The following COL17A1 variants were observed in gnomAD, a reference collection of about 807,000 sequenced individuals.
The protein encoded by COL17A1 is collagen type XVII alpha 1 chain.
Under a neutral mutation model 218.4 loss-of-function variants are expected in COL17A1, and 181 were observed. The observed-to-expected ratio is 0.83, with a 90% CI of 0.73 to 0.94. The LOEUF (loss-of-function observed/expected upper bound fraction) is 0.94, where lower values mean the gene tolerates loss of function less well. Among genes scored for constraint, COL17A1 ranks in the 40% least tolerant of loss-of-function variants. The pLI, the probability that COL17A1 is intolerant of heterozygous loss-of-function variation, is 0.00. For synonymous variants in COL17A1, 721 were observed against 731.0 expected, an observed-to-expected ratio of 0.99 and a Z score of 0.22; for missense variants, 1,924 against 1,945.9, an observed-to-expected ratio of 0.99 and a Z score of 0.21.
intron 2 of COL17A1, among the ~76,000 whole-genome samples, chr10:104,080,320 G>C (rs1372220901): frequency 1.3e-5 from 2 of 152,146 alleles, no homozygotes; most frequent in Non-Finnish European, 2.9e-5. Flanking sequence ...CCTAAATTTG[G>C]AAATGATAAA....
intron 11 of COL17A1, 125 bp from the exon 12 acceptor site, chr10:104,062,454 C>A: frequency 2.6e-5 from 34 of 1,290,662 alleles, no homozygotes; most frequent in Non-Finnish European, 3.6e-5. Flanking sequence ...TCCCAAACTT[C>A]CTCGGTTCCC....
rs766940415 is a variant in COL17A1, at chr10:104,037,715, G to C, written c.3129C>G (p.Pro1043=). Residue 1043 remains proline, a synonymous_variant, in exon 46 of 56, where the codon CCC becomes CCG. Coordinates refer to ENST00000648076, the MANE Select transcript of COL17A1 (RefSeq NM_000494.4). ...GVQGPPGPPG[P]PGPVTTITGE... ...CTGTGATGGTGGTGACAGGTCCTGG[G>C]GGACCAGGTGGGCCTGGGGGACCCT... 2 of 1,614,146 alleles carry C rather than the reference G, an allele frequency of 1.2e-6. No homozygotes were observed. Among genetic ancestry groups the C allele is most frequent in the Admixed American group, 3.3e-5 (2 of 60,020 alleles).
At chr10:104,057,292 C>T in intron 16 of COL17A1, 120 bp from the exon 17 acceptor site, 2 of 1,497,640 alleles carry the variant, frequency 1.3e-6, no homozygotes, top group South Asian at 2.4e-5. Flanking sequence ...TTTCAAGTTC[C>T]TGTGCTGTTC....
Position 104,053,107 on chromosome 10 carries a change from GC to G in COL17A1, c.1862del (p.Gly621AlafsTer62). ...VGDPGMEGPM[G>X]QRGREGPMGP... ...CCATGGGGCCTTCTCGCCCTCTCTG[GC>G]CCATGGGGCCTTCCATGCCAGGATC... On this transcript the variant is annotated frameshift_variant, in exon 23 of 56. Coordinates refer to ENST00000648076, the MANE Select transcript of COL17A1 (RefSeq NM_000494.4). LOFTEE classifies it high-confidence loss of function. 1.2e-6 allele frequency: 2 copies of G among 1,613,520 alleles called. No homozygotes were observed. Among genetic ancestry groups the G allele is most frequent in the Non-Finnish European group, 1.7e-6 (2 of 1,180,000 alleles).
chr10:104,034,480 T>G (rs1378295373), intron 51 of COL17A1, 141 bp downstream of exon 51: 1 of 1,488,552 alleles, frequency 6.7e-7, no homozygotes, highest in Non-Finnish European at 9.1e-7. Flanking sequence ...GGGAGAATTT[T>G]GGTGTGGAAG....
rs1427212700 is a variant in COL17A1, at chr10:104,036,646, G to T, written c.3278-14C>A. 3 of 1,613,086 alleles carry T rather than the reference G, an allele frequency of 1.9e-6. No homozygotes were observed. ...GCACGTCATCCCCTGGAGAGGAGAG[G>T]ATGCACTAGCAGGACCCACCCAGGC... On this transcript the variant is annotated splice_polypyrimidine_tract_variant and intron_variant, in intron 47 of 55. Transcript: ENST00000648076.
intron 40 of COL17A1, 21 bp from the exon 41 acceptor site, chr10:104,040,020 G>A: frequency 6.2e-7 from 1 of 1,614,096 alleles, no homozygotes; most frequent in Non-Finnish European, 8.5e-7. Context: ...AAGGCAGAGA[G>A]CTATGAGACA....
chr10:104,058,647 G>A (rs1192647207), intron 15 of COL17A1, among the ~76,000 whole-genome samples: 1 of 152,086 alleles, frequency 6.6e-6, no homozygotes, highest in Non-Finnish European at 1.5e-5. Flanking sequence ...AAAGTTGAGT[G>A]TTTAGGCCAG....
intron 46 of COL17A1, 79 bp from the exon 47 acceptor site, chr10:104,037,192 C>T: frequency 7.6e-7 from 1 of 1,322,080 alleles, no homozygotes; most frequent in Middle Eastern, 1.8e-4. Context: ...TCTGAAAGGC[C>T]CGGTCACCGA....
rs190364596 is a variant in COL17A1 at position 104,052,723 on chromosome 10, C to G, written c.1939+308G>C. Among the ~76,000 whole-genome samples the G allele has an allele frequency of 3.6e-4, 55 of 152,290 alleles. No homozygotes were observed. The East Asian group carries it at 9.1e-3, about 25-fold the overall frequency. ...CAATTGACTCTGCCCTGCCCTGCCC[C>G]CTGAGCCCCACCTCGGCCTGACTCC... On this transcript the variant is annotated intron_variant, in intron 23 of 55. Coordinates refer to ENST00000648076, the MANE Select transcript of COL17A1 (RefSeq NM_000494.4).
Position 104,038,243 on chromosome 10 carries a change from C to T in COL17A1, c.3070+163G>A, listed in dbSNP as rs1309674799. Among the ~76,000 whole-genome samples, 34 of 9,376 alleles carry T rather than the reference C, an allele frequency of 3.6e-3. No homozygotes were observed. The highest frequency in any genetic ancestry group is 6.3e-3 in the African/African-American group (33 of 5,206). 6.2% of individuals were successfully genotyped at this position (9,376 alleles called of 152,430 possible). ...ACATAGACACACATACACACACACA[C>T]ACACACACACACACACACACACACA... On this transcript the variant is annotated intron_variant, in intron 45 of 55. Transcript: ENST00000648076.
chr10:104,051,642 C>T (rs1025683247), intron 24 of COL17A1, 126 bp from the exon 25 acceptor site: 2 of 1,224,190 alleles, frequency 1.6e-6, no homozygotes. Flanking sequence ...GAGTGTATTG[C>T]AGGCCAGGGG....
At position 104,036,873 on chromosome 10, in the gene COL17A1, G is replaced by A. The variant is rs564367065; in HGVS notation, c.3277+172C>T. On this transcript the variant is annotated intron_variant, in intron 47 of 55. Transcript: ENST00000648076. Reference sequence around the variant, plus strand: ...GACATTTCCTGCCCCCTTTCCAGCCGGTTTGCTGACTCAGCAAGCAGATCA... The same window carrying A: ...GACATTTCCTGCCCCCTTTCCAGCCAGTTTGCTGACTCAGCAAGCAGATCA... Among the ~76,000 whole-genome samples the A allele has an allele frequency of 5.3e-5, 8 of 152,304 alleles. No homozygotes were observed. The East Asian group carries it at 1.4e-3, about 26-fold the overall frequency.
chr10:104,078,509 A>C (rs1474750749), intron 3 of COL17A1, 33 bp downstream of exon 3: 2 of 1,614,132 alleles, frequency 1.2e-6, no homozygotes, highest in Non-Finnish European at 1.7e-6. Context: ...AATGTGACCT[A>C]CTGAAAAGAA....
rs367750698 is a variant in COL17A1 at position 104,056,027 on chromosome 10, C to T, written c.1466-24G>A. On this transcript the variant is annotated intron_variant, in intron 17 of 55. Coordinates refer to ENST00000648076, the MANE Select transcript of COL17A1 (RefSeq NM_000494.4). ...CGCTGCAACAAACAGACACACACTG[C>T]GTCACTGAGGGCCCGGTCCTTCGCC... The T allele has an allele frequency of 2.6e-5, 42 of 1,613,498 alleles. No individual in the cohort carries two copies. The African/African-American group carries it at 4.5e-4, about 17-fold the overall frequency.
In COL17A1 at chr10:104,048,050, C is replaced by T. The variant is rs367739460; in HGVS notation, c.2263+19G>A. 215 of 1,613,974 alleles carry T rather than the reference C, an allele frequency of 1.3e-4. 1 individual carries two copies. Among genetic ancestry groups the T allele is most frequent in the East Asian group, 2.2e-5 (1 of 44,890 alleles). On this transcript the variant is annotated intron_variant, in intron 30 of 55. Coordinates refer to ENST00000648076, the MANE Select transcript of COL17A1 (RefSeq NM_000494.4). The stretch of plus-strand genomic sequence containing the variant: ...GCTGTGACGGGAGTGAGGCTGGGGG[C>T]AGCAGATGAGTGACCAACCTCTTGG...
At chr10:104,050,311 T>C (rs376964950) in intron 27 of COL17A1, among the ~76,000 whole-genome samples, 187 bp from the exon 28 acceptor site, 17 of 152,146 alleles carry the variant, frequency 1.1e-4, no homozygotes, top group Admixed American at 9.8e-4. Context: ...GCAGAGTCAG[T>C]TCCCCCCCTA....
chr10:104,045,160 A>G lies in COL17A1; in HGVS notation c.2398+598T>C, dbSNP rs373081536. Among the ~76,000 whole-genome samples the G allele has an allele frequency of 9.2e-5, 14 of 152,316 alleles. No individual in the cohort carries two copies. The East Asian group carries it at 2.3e-3, about 25-fold the overall frequency. ...GAGGTCTGATAGGCAGAACTGGACA[A>G]GAGGGTCACTGTGTGCATGGGCATC... On this transcript the variant is annotated intron_variant, in intron 33 of 55. Transcript: ENST00000648076.
At position 104,055,380 on chromosome 10, in the gene COL17A1, C is replaced by A. The variant is rs2086510783; in HGVS notation, c.1709G>T (p.Gly570Val). 6.2e-7 allele frequency: 1 copy of A among 1,613,230 alleles called. No individual in the cohort carries two copies. Among genetic ancestry groups the A allele is most frequent in the African/African-American group, 1.3e-5 (1 of 74,682 alleles). Residue 570 changes from glycine (G) to valine (V), a missense_variant, in exon 19 of 56, where the codon GGC becomes GTC. Coordinates refer to ENST00000648076, the MANE Select transcript of COL17A1 (RefSeq NM_000494.4). ...QENGNLRGSP[G>V]PKGDMGSPGP... ...TCAATCCATGGCAATACCTTTAGGG[C>A]CAGGGCTTCCTCGGAGATTTCCTGC...
Sources: allele counts gnomAD v4.1 joint callset (sites outside exome capture counted in the v4.1 genomes callset), GRCh38; gene constraint gnomAD v4.1.1; transcripts MANE v1.5; gene names NCBI Gene and HGNC (gene_info 2026-07-23, HGNC 2026-07-21).